Variants in TPRG1 observed in about 807,000 individuals in gnomAD.
TPRG1 encodes the protein tumor protein p63-regulated gene 1 protein.
A neutral mutation model predicts 29.3 loss-of-function variants in TPRG1; 29 were observed. The ratio of observed to expected loss-of-function variants is 0.99; its 90% CI spans 0.74 to 1.35. The LOEUF (loss-of-function observed/expected upper bound fraction) is 1.35. Ranked by LOEUF, TPRG1 falls within the 40% of genes most tolerant of loss-of-function variation. TPRG1 has a pLI of 0.00. For synonymous variants in TPRG1, 130 were observed against 116.8 expected (o/e 1.11, Z -0.73); for missense variants, 327 against 335.0 (o/e 0.98, Z 0.19).
intron 4 of TPRG1, among the ~76,000 whole-genome samples, chr3:189,239,755 T>A: frequency 6.6e-6 from 1 of 152,180 alleles, no homozygotes; most frequent in South Asian, 2.1e-4. Flanking sequence ...TCTTATAAAA[T>A]GTCTCTTGGG....
At chr3:189,281,645 TA>T (rs1717148355) in intron 4 of TPRG1, among the ~76,000 whole-genome samples, 1 of 152,128 alleles carries the variant, frequency 6.6e-6, no homozygotes, top group Non-Finnish European at 1.5e-5. Context: ...ATATAAGAAG[TA>T]TTTTTTTCAT....
intron 4 of TPRG1, among the ~76,000 whole-genome samples, chr3:189,307,492 C>T (rs768026289): frequency 3.3e-5 from 5 of 152,158 alleles, no homozygotes; most frequent in African/African-American, 4.8e-5. Context: ...GACTGGGATC[C>T]GTAGGCAGGC....
At chr3:189,167,259 G>T (rs1484720097), upstream of TPRG1, among the ~76,000 whole-genome samples, 4 of 152,192 alleles carry the variant, frequency 2.6e-5, no homozygotes, top group Admixed American at 6.5e-5. Context: ...CCAGGTATGA[G>T]TCAGACCTCC....
chr3:189,264,120 G>A (rs574341764), intron 4 of TPRG1, among the ~76,000 whole-genome samples: 2 of 152,154 alleles, frequency 1.3e-5, no homozygotes, highest in South Asian at 2.1e-4. Flanking sequence ...AATTTGCTAT[G>A]TCTTCTTGAG....
chr3:189,323,047 T>C lies in TPRG1; in HGVS notation c.*2227T>C, dbSNP rs1238929288. On this transcript the variant is annotated 3_prime_UTR_variant, in exon 6 of 6. Transcript: ENST00000345063. ...CCAGAGGGTGAGAAGATTTAGGAAT[T>C]TGGATAGCAGTTCAAGATAAGAAAG... 1.3e-5 allele frequency: 2 copies of C among 152,082 alleles called. No homozygotes were observed. The highest frequency in any genetic ancestry group is 1.3e-4 in the Admixed American group (2 of 15,242). The allele number at this position is 152,082 out of a possible 1,614,324, so 9.4% of individuals were successfully genotyped here. A position where few individuals can be genotyped will look rare whatever the true frequency, so the allele number is the denominator to read the frequency against.
intron 3 of TPRG1, among the ~76,000 whole-genome samples, chr3:189,228,212 A>T (rs1244596029): frequency 6.6e-6 from 1 of 152,160 alleles, no homozygotes; most frequent in Admixed American, 6.5e-5. Context: ...TTACAGAAGA[A>T]TGAACATTAA....
chr3:189,098,607 G>A (rs187972692), upstream of TPRG1, among the ~76,000 whole-genome samples: 280 of 152,202 alleles, frequency 1.8e-3, 1 homozygote, highest in Non-Finnish European at 3.2e-3. Context: ...AGGACAGGGA[G>A]TGGGTTGTTC....
At chr3:189,156,121 A>T (rs1331892665) in intron 5 of TPRG1, among the ~76,000 whole-genome samples, 2 of 152,172 alleles carry the variant, frequency 1.3e-5, no homozygotes, top group Non-Finnish European at 2.9e-5. Flanking sequence ...TTATTTATCA[A>T]TTGTAACTCA....
At chr3:189,038,006 T>TA (rs917789477) in intron 4 of TPRG1, among the ~76,000 whole-genome samples, 15 of 151,088 alleles carry the variant, frequency 9.9e-5, no homozygotes, top group African/African-American at 3.4e-4. Flanking sequence ...CCAAATTAAA[T>TA]AAAAAATGTA....
intron 2 of TPRG1, chr3:189,211,732 C>T (rs1735293855): frequency 6.6e-6 from 1 of 152,178 alleles, no homozygotes; most frequent in Non-Finnish European, 1.5e-5. Context: ...CCAAGGTCAA[C>T]AAGCAACCTC....
intron 1 of TPRG1, among the ~76,000 whole-genome samples, chr3:189,113,201 C>G (rs942766410): frequency 2.0e-4 from 31 of 152,164 alleles, no homozygotes; most frequent in Middle Eastern, 3.4e-3. Flanking sequence ...GTATAAGAAT[C>G]CTTGTGATTT....
At chr3:189,307,643 AC>A (rs1721836151) in intron 4 of TPRG1, among the ~76,000 whole-genome samples, 1 of 152,094 alleles carries the variant, frequency 6.6e-6, no homozygotes, top group African/African-American at 2.4e-5. Context: ...TGGTGAAAAG[AC>A]CCCTGAATGA....
At chr3:189,087,922 G>C (rs1718066944) in intron 4 of TPRG1, among the ~76,000 whole-genome samples, 1 of 152,192 alleles carries the variant, frequency 6.6e-6, no homozygotes, top group African/African-American at 2.4e-5. Flanking sequence ...TTGTAGTATA[G>C]TTTGAAGTCA....
At chr3:189,070,480 G>A (rs1433789906) in intron 4 of TPRG1, among the ~76,000 whole-genome samples, 3 of 152,176 alleles carry the variant, frequency 2.0e-5, no homozygotes, top group Non-Finnish European at 2.9e-5. Flanking sequence ...TTGCCAGTTC[G>A]TATCAATGTC....
At chr3:189,030,724 G>A (rs572650931) in intron 4 of TPRG1, among the ~76,000 whole-genome samples, 2 of 152,280 alleles carry the variant, frequency 1.3e-5, no homozygotes, top group East Asian at 3.9e-4. Flanking sequence ...TGTTCTGTAC[G>A]TATGAGGAAG....
chr3:189,301,030 G>A (rs1472712489), intron 4 of TPRG1, among the ~76,000 whole-genome samples: 1 of 152,110 alleles, frequency 6.6e-6, no homozygotes, highest in African/African-American at 2.4e-5. Flanking sequence ...GGGCACGGTG[G>A]CTCATGCCTG....
At chr3:189,144,267 T>C (rs956812405) in intron 3 of TPRG1, among the ~76,000 whole-genome samples, 1 of 152,172 alleles carries the variant, frequency 6.6e-6, no homozygotes, top group Non-Finnish European at 1.5e-5. Context: ...AAGCTTTGTT[T>C]CCTATAAGTG....
Position 189,027,875 on chromosome 3 carries a change from G to T in TPRG1, c.-463+3929G>T, listed in dbSNP as rs948472137. Among the ~76,000 whole-genome samples the T allele has an allele frequency of 6.6e-5, 10 of 152,058 alleles. No homozygotes were observed. In the East Asian group the frequency reaches 1.9e-3, roughly 29 times the overall value. ...ACAGTGAGCATGCATTCCCTCTTAT[G>T]CCTTGATGTGAAGGAAAAACTTATT... On this transcript the variant is annotated intron_variant, in intron 4 of 10. Transcript: ENST00000433971.
rs541262217 is a variant in TPRG1, at chr3:189,074,861, G to C, written c.-463+50915G>C. On this transcript the variant is annotated intron_variant, in intron 4 of 10. Transcript: ENST00000433971. The stretch of plus-strand genomic sequence containing the variant: ...GAGTCTCGCTCTGTCGCCCAGGCTG[G>C]AGTGCAGTGGCGCGATCTCCGCTCA... Among the ~76,000 whole-genome samples, 9 of 151,696 alleles carry C rather than the reference G, an allele frequency of 5.9e-5. 1 individual carries two copies. Among genetic ancestry groups the C allele is most frequent in the Middle Eastern group, 6.8e-3 (2 of 292 alleles).
Sources: allele counts gnomAD v4.1 joint callset (sites outside exome capture counted in the v4.1 genomes callset), GRCh38; gene constraint gnomAD v4.1.1; transcripts MANE v1.5; gene names NCBI Gene and HGNC (gene_info 2026-07-23, HGNC 2026-07-21).